Variants in OR56A3 observed in about 807,000 individuals in gnomAD.
The protein encoded by OR56A3 is olfactory receptor family 56 subfamily A member 3.
In OR56A3, 23 loss-of-function variants were observed where a neutral mutation model predicts 17.5. The observed-to-expected ratio is 1.32, with a 90% CI of 0.95 to 1.87. The LOEUF is 1.87. Among genes scored for constraint, OR56A3 ranks in the 40% most tolerant of loss-of-function variants. OR56A3 has a pLI of 0.00. For synonymous variants in OR56A3, 175 were observed against 150.6 expected (o/e 1.16, Z -1.19); for missense variants, 366 against 380.1 (o/e 0.96, Z 0.31).
the OR56A3 span, among the ~76,000 whole-genome samples, chr11:5,988,631 G>C: frequency 6.6e-6 from 1 of 152,140 alleles, no homozygotes. Context: ...GAAGATGACT[G>C]AGAATTAGAC....
At chr11:5,955,122 G>A (rs879682303), downstream of OR56A3, among the ~76,000 whole-genome samples, 2 of 152,210 alleles carry the variant, frequency 1.3e-5, no homozygotes, top group Admixed American at 6.5e-5. Context: ...TCTTGGAACA[G>A]TCATAGTGGA....
At chr11:5,986,823 T>C in the OR56A3 span, 69 of 1,613,952 alleles carry the variant, frequency 4.3e-5, 1 homozygote, top group Middle Eastern at 8.2e-4. Flanking sequence ...CCTCTAAACC[T>C]GGAATCCCTA....
the OR56A3 span, among the ~76,000 whole-genome samples, chr11:6,008,036 TG>T: frequency 2.0e-5 from 3 of 152,222 alleles, no homozygotes; most frequent in African/African-American, 7.2e-5. Context: ...GAGCAATGCC[TG>T]GCATTGCTTC....
At chr11:5,982,508 A>T in the OR56A3 span, among the ~76,000 whole-genome samples, 1 of 152,156 alleles carries the variant, frequency 6.6e-6, no homozygotes, top group Non-Finnish European at 1.5e-5. Context: ...GATGAAGCAC[A>T]TGGAGCCATG....
chr11:5,964,910 C>CAT, the OR56A3 span, among the ~76,000 whole-genome samples: 38,089 of 151,960 alleles, frequency 0.25, 4,787 homozygotes, highest in Non-Finnish European at 0.27. Context: ...GGAGGGGTAA[C>CAT]GTGTAAGGTA....
At chr11:6,005,934 A>T in the OR56A3 span, among the ~76,000 whole-genome samples, 1 of 152,236 alleles carries the variant, frequency 6.6e-6, no homozygotes, top group Non-Finnish European at 1.5e-5. Context: ...AGACCATAGC[A>T]GATAGGTCAA....
At chr11:5,994,260 G>A in the OR56A3 span, 18 of 582,778 alleles carry the variant, frequency 3.1e-5, no homozygotes. Flanking sequence ...CCAAAGACTG[G>A]ACTGTACATC....
chr11:5,974,008 TG>T, the OR56A3 span, among the ~76,000 whole-genome samples: 2 of 152,220 alleles, frequency 1.3e-5, no homozygotes, highest in South Asian at 4.1e-4. Context: ...CCTTCAGGGC[TG>T]GGGCTGGTAG....
the OR56A3 span, among the ~76,000 whole-genome samples, chr11:5,974,260 C>T: frequency 6.6e-6 from 1 of 152,132 alleles, no homozygotes; most frequent in Non-Finnish European, 1.5e-5. Flanking sequence ...GCATCCACCA[C>T]CACGCCTGGC....
At chr11:6,020,907 A>C in the OR56A3 span, 4 of 152,096 alleles carry the variant, frequency 2.6e-5, no homozygotes, top group Admixed American at 1.3e-4. Flanking sequence ...GAATGCTTCC[A>C]TCTTTTGCCC....
chr11:5,993,426 G>A, the OR56A3 span, among the ~76,000 whole-genome samples: 2 of 152,146 alleles, frequency 1.3e-5, no homozygotes, highest in Admixed American at 6.5e-5. Flanking sequence ...ACACTCTGAG[G>A]AAGTCCACCC....
At chr11:5,960,834 C>T in the OR56A3 span, among the ~76,000 whole-genome samples, 1 of 151,896 alleles carries the variant, frequency 6.6e-6, no homozygotes, top group African/African-American at 2.4e-5. Flanking sequence ...GCCCGGCCGG[C>T]TGCCCATCAT....
At chr11:6,008,669 C>G in the OR56A3 span, among the ~76,000 whole-genome samples, 2 of 151,748 alleles carry the variant, frequency 1.3e-5, no homozygotes, top group Non-Finnish European at 2.9e-5. Flanking sequence ...ATGGTAGTTG[C>G]GAGGATAAAA....
chr11:5,960,978 G>A, the OR56A3 span, among the ~76,000 whole-genome samples: 263 of 149,884 alleles, frequency 1.8e-3, 1 homozygote, highest in Non-Finnish European at 2.2e-3. Context: ...GGTGAGGAGC[G>A]TCTCTGACCG....
chr11:5,957,950 G>A, the OR56A3 span, among the ~76,000 whole-genome samples: 1 of 152,188 alleles, frequency 6.6e-6, no homozygotes, highest in African/African-American at 2.4e-5. Context: ...TCAGAAAAGT[G>A]GTGGCCAATG....
the OR56A3 span, among the ~76,000 whole-genome samples, chr11:5,975,930 T>C: frequency 6.6e-6 from 1 of 151,850 alleles, no homozygotes; most frequent in Admixed American, 6.5e-5. Flanking sequence ...AAAAAAGAAA[T>C]ATAGAAACAT....
the OR56A3 span, among the ~76,000 whole-genome samples, chr11:5,991,429 A>C: frequency 2.6e-5 from 4 of 152,214 alleles, no homozygotes; most frequent in African/African-American, 9.7e-5. Context: ...GAGATTAAAG[A>C]GAGAGGGACA....
At chr11:5,981,885 AT>A in the OR56A3 span, among the ~76,000 whole-genome samples, 6 of 152,178 alleles carry the variant, frequency 3.9e-5, no homozygotes, top group East Asian at 1.2e-3. Context: ...TGTAAACTGG[AT>A]TCAGTCAACT....
At chr11:5,988,957 G>C in the OR56A3 span, among the ~76,000 whole-genome samples, 4 of 152,208 alleles carry the variant, frequency 2.6e-5, no homozygotes, top group Non-Finnish European at 5.9e-5. Context: ...GAATGACTTA[G>C]TTCTTGTGGA....
Sources: gnomAD v4.1 joint callset for allele counts (sites outside exome capture counted in the v4.1 genomes callset) on GRCh38, gnomAD v4.1.1 for gene constraint, MANE v1.5 for transcripts, NCBI Gene and HGNC (gene_info 2026-07-23, HGNC 2026-07-21) for gene names.